The following STAT6 variants were observed in gnomAD, a reference collection of about 807,000 sequenced individuals.
STAT6 encodes STAT, interleukin4-induced.
Under a neutral mutation model 106.3 loss-of-function variants are expected in STAT6, and 45 were observed. The observed-to-expected ratio is 0.42, with a 90% CI of 0.33 to 0.54. STAT6 has a LOEUF of 0.54. STAT6 is among the 20% of genes least tolerant of loss of function. The pLI is 0.06. For missense variants in STAT6, 797 were observed against 1,062.2 expected, an observed-to-expected ratio of 0.75 and a Z score of 3.47; for synonymous variants, 413 against 413.6, an observed-to-expected ratio of 1.00 and a Z score of 0.02.
At chr12:57,106,988 C>T (rs955873954) in intron 4 of STAT6, among the ~76,000 whole-genome samples, 157 bp from the exon 5 acceptor site, 1 of 152,216 alleles carries the variant, frequency 6.6e-6, no homozygotes, top group African/African-American at 2.4e-5. Flanking sequence ...TAAGACCTTG[C>T]TCCTAGCAGA....
Position 57,102,256 on chromosome 12 carries a change from T to TG in STAT6, c.1512+33dup, listed in dbSNP as rs2033975403. 1.9e-6 allele frequency: 3 copies of TG among 1,610,982 alleles called. No homozygotes were observed. The East Asian group carries it at 6.7e-5, about 36-fold the overall frequency. On this transcript the variant is annotated intron_variant, in intron 13 of 21. Coordinates refer to ENST00000300134, the MANE Select transcript of STAT6 (RefSeq NM_003153.5). ...CTGAGTGCCCCAGGGATGAAGAGCT[T>TG]GGGGGTGGGAGGTCCAAAGGGCAGG...
Position 57,096,269 on chromosome 12 carries a change from A to G in STAT6, c.*303T>C, listed in dbSNP as rs976949768. The G allele has an allele frequency of 1.2e-4, 41 of 342,596 alleles. No homozygotes were observed. The highest frequency in any genetic ancestry group is 7.3e-4 in the African/African-American group (34 of 46,412). 21.2% of individuals were successfully genotyped at this position (342,596 alleles called of 1,614,324 possible). On this transcript the variant is annotated 3_prime_UTR_variant, in exon 22 of 22. Transcript: ENST00000300134. ...CCCCATCACCCTCAGAGAGCTCTGT[A>G]TGTGTGTGTGCGTGCGTGTGCGCGC...
At position 57,099,722 on chromosome 12, in the gene STAT6, G is replaced by T; in HGVS notation, c.1744+45C>A. On this transcript the variant is annotated intron_variant, in intron 15 of 21. Transcript: ENST00000300134. The surrounding 1 kb of genome is among the most constrained non-coding windows in gnomAD (Gnocchi z 4.7). ...CATTTCATTCCCAGAAGAAACCCCA[G>T]AGGGCACAGGCACAGAGACAGAGGA... 6.2e-7 allele frequency: 1 copy of T among 1,611,310 alleles called. No individual in the cohort carries two copies. Among genetic ancestry groups the T allele is most frequent in the Non-Finnish European group, 8.5e-7 (1 of 1,178,286 alleles).
chr12:57,102,514 G>A lies in STAT6; in HGVS notation c.1306-18C>T. 1 of 1,612,112 alleles carries A rather than the reference G, an allele frequency of 6.2e-7. No individual in the cohort carries two copies. On this transcript the variant is annotated intron_variant, in intron 12 of 21. Coordinates refer to ENST00000300134, the MANE Select transcript of STAT6 (RefSeq NM_003153.5). Reference sequence around the variant, plus strand: ...ACGCGGTCCTGGGGAGAAGGGGGAAGAAGAGAGCACTGCAGGCTACCGTCT... The same window carrying A: ...ACGCGGTCCTGGGGAGAAGGGGGAAAAAGAGAGCACTGCAGGCTACCGTCT...
Position 57,105,548 on chromosome 12 carries a change from C to T in STAT6, c.732G>A (p.Ala244=), listed in dbSNP as rs201282976. 111 of 1,614,066 alleles carry T rather than the reference C, an allele frequency of 6.9e-5. No individual in the cohort carries two copies. The Middle Eastern group carries it at 8.3e-4, about 12-fold the overall frequency. The change falls in exon 8 of 22, where the codon GCG becomes GCA. Residue 244 remains alanine, a synonymous_variant. Coordinates refer to ENST00000300134, the MANE Select transcript of STAT6 (RefSeq NM_003153.5). ...TCTTGGGCTCAAGCTCCCCACCAGC[C>T]GCCCCTACCTCCTGCTGTAGCTGGG... ...IYSQLQQEVG[A]AGGELEPKTR...
At chr12:57,105,129 C>G (rs768452147) in intron 9 of STAT6, 22 bp downstream of exon 9, 16 of 1,598,718 alleles carry the variant, frequency 1.0e-5, no homozygotes, top group Non-Finnish European at 1.4e-5. Context: ...CTTCTCCAAC[C>G]CCAGGTCCAA....
chr12:57,109,835 A>G (rs2034483576), intron 1 of STAT6: 1 of 152,108 alleles, frequency 6.6e-6, no homozygotes. Flanking sequence ...CACGTTTCTC[A>G]TAATATCCCT....
chr12:57,105,408 G>GC, intron 8 of STAT6, 60 bp downstream of exon 8: 1 of 1,609,268 alleles, frequency 6.2e-7, no homozygotes, highest in East Asian at 2.2e-5. Flanking sequence ...CACAGCTCTA[G>GC]CCCCCTTCTT....
intron 13 of STAT6, among the ~76,000 whole-genome samples, chr12:57,100,690 A>AG (rs2033822146): frequency 2.4e-5 from 1 of 42,238 alleles, no homozygotes; most frequent in Admixed American, 2.9e-4. Flanking sequence ...GAAAGAAAGA[A>AG]AGAAAGAAAG....
In STAT6 at chr12:57,099,161, G is replaced by A; in HGVS notation, c.1892-83C>T. On this transcript the variant is annotated intron_variant, in intron 16 of 21. Transcript: ENST00000300134. This position sits in a 1 kb window ranked among gnomAD's most constrained non-coding sequence, Gnocchi z 4.7. The stretch of plus-strand genomic sequence containing the variant: ...GTGGAAAAGGTGGGCATGGATCATG[G>A]GGAAGTAAGAGAAGCACAGCTATGA... 6.3e-7 allele frequency: 1 copy of A among 1,599,156 alleles called. No homozygotes were observed. Among genetic ancestry groups the A allele is most frequent in the Non-Finnish European group, 8.6e-7 (1 of 1,167,920 alleles).
At chr12:57,105,841 G>A (rs999443071) in intron 7 of STAT6, 7 of 714,646 alleles carry the variant, frequency 9.8e-6, no homozygotes, top group South Asian at 6.0e-5. Context: ...CTCCCCCGAC[G>A]GCTCTTGCAC....
intron 4 of STAT6, 115 bp from the exon 5 acceptor site, chr12:57,106,946 G>A: frequency 6.7e-7 from 1 of 1,494,908 alleles, no homozygotes; most frequent in Non-Finnish European, 9.0e-7. Flanking sequence ...CCCTTTGGCA[G>A]TTCTTCCTGA....
rs201086579 is a variant in STAT6 at position 57,100,638 on chromosome 12, G to GAGAAAGAAAGAA, written c.1513-560_1513-549dup. Among the ~76,000 whole-genome samples the GAGAAAGAAAGAA allele has an allele frequency of 7.1e-4, 71 of 100,116 alleles. 2 individuals carry two copies. The highest frequency in any genetic ancestry group is 4.2e-3 in the East Asian group (13 of 3,122). 65.7% of individuals were successfully genotyped at this position (100,116 alleles called of 152,430 possible). A position where few individuals can be genotyped will look rare whatever the true frequency, so the allele number is the denominator to read the frequency against. ...AGAAAGAAAAAGAGAGAAAGAGAAA[G>GAGAAAGAAAGAA]AGAAAGAAAGAAAGAAAGAAAGAAA... On this transcript the variant is annotated intron_variant, in intron 13 of 21. Coordinates refer to ENST00000300134, the MANE Select transcript of STAT6 (RefSeq NM_003153.5).
In STAT6 at chr12:57,106,125, G is replaced by A. The variant is rs893778470; in HGVS notation, c.680+66C>T. 4 of 1,603,112 alleles carry A rather than the reference G, an allele frequency of 2.5e-6. No individual in the cohort carries two copies. The African/African-American group carries it at 5.4e-5, about 21-fold the overall frequency. ...CCTGGCTTCTTTCTCTCACCTGTAG[G>A]GCCTTCAGCAGGGTCAGCTGCCCAC... On this transcript the variant is annotated intron_variant, in intron 7 of 21. Coordinates refer to ENST00000300134, the MANE Select transcript of STAT6 (RefSeq NM_003153.5).
At position 57,096,675 on chromosome 12, in the gene STAT6, C is replaced by G; in HGVS notation, c.2441G>C (p.Gly814Ala). The change falls in exon 22 of 22, where the codon GGG (glycine) becomes GCG (alanine). Residue 814 changes from glycine to alanine, a missense_variant. By Grantham distance (60) the Gly-to-Ala change is moderately conservative. Around this residue, in one of 4 missense-constraint regions of STAT6, gnomAD observed 226 missense variants for 236.7 expected, o/e 0.95. Transcript: ENST00000300134. The part of the protein sequence containing the change: ...KLLLEGQGES[G>A]GGSLGAQPLL... Reference sequence around the variant, plus strand: ...GGGCTGTGCCCCCAAGGACCCTCCCCCCGACTCCCCTTGCCCCTCCAGGAG... The same window carrying G: ...GGGCTGTGCCCCCAAGGACCCTCCCGCCGACTCCCCTTGCCCCTCCAGGAG... The G allele has an allele frequency of 1.2e-6, 2 of 1,606,356 alleles. No individual in the cohort carries two copies. The highest frequency in any genetic ancestry group is 1.7e-4 in the Middle Eastern group (1 of 6,004).
Position 57,106,255 on chromosome 12 carries a change from G to A in STAT6, c.616C>T (p.Arg206Trp), listed in dbSNP as rs561396055. ...LVLKRIQIWK[R>W]QQQLAGNGAP... ...CCATTCCCTGCCAGCTGCTGCTGCCGTTTCCAAATCTGGATCCTCTTCAGC... is the reference window on the plus strand; with the variant it reads ...CCATTCCCTGCCAGCTGCTGCTGCCATTTCCAAATCTGGATCCTCTTCAGC... The change falls in exon 7 of 22, where the codon CGG becomes TGG. Residue 206 changes from arginine (R) to tryptophan (W), a missense_variant. Physicochemically the swap from Arg to Trp is moderately radical, Grantham distance 101. Transcript: ENST00000300134. 16 of 1,614,076 alleles carry A rather than the reference G, an allele frequency of 9.9e-6. No homozygotes were observed. The highest frequency in any genetic ancestry group is 5.3e-5 in the African/African-American group (4 of 74,932).
chr12:57,105,416 C>G, intron 8 of STAT6, 52 bp downstream of exon 8: 1 of 1,609,402 alleles, frequency 6.2e-7, no homozygotes, highest in Non-Finnish European at 8.5e-7. Context: ...TAGCCCCCTT[C>G]TTTTCTTCCC....
intron 11 of STAT6, chr12:57,103,769 A>AT (rs1274567852): frequency 6.7e-6 from 1 of 149,664 alleles, no homozygotes; most frequent in Non-Finnish European, 1.5e-5. Context: ...GTTTCACCAT[A>AT]TTGGCCAGGC....
Position 57,098,603 on chromosome 12 carries a change from G to A in STAT6, c.2067-6C>T. On this transcript the variant is annotated splice_region_variant and splice_polypyrimidine_tract_variant and intron_variant, in intron 18 of 21. Coordinates refer to ENST00000300134, the MANE Select transcript of STAT6 (RefSeq NM_003153.5). ...GTGGTGGGTACACCTGGGGCCTGGG[G>A]AAAGAAAACAGACCCCCTGATGCCA... 6.2e-7 allele frequency: 1 copy of A among 1,612,616 alleles called. No individual in the cohort carries two copies. Among genetic ancestry groups the A allele is most frequent in the Non-Finnish European group, 8.5e-7 (1 of 1,179,266 alleles).
Sources: allele counts gnomAD v4.1 joint callset (sites outside exome capture counted in the v4.1 genomes callset), GRCh38; gene constraint gnomAD v4.1.1; regional missense constraint gnomAD v4.1.1; non-coding constraint Gnocchi (gnomAD v3.1); transcripts MANE v1.5; gene names NCBI Gene and HGNC (gene_info 2026-07-23, HGNC 2026-07-21).